The following ARHGEF2 variants were observed in gnomAD, a reference collection of about 807,000 sequenced individuals.
ARHGEF2 encodes the protein rho guanine nucleotide exchange factor 2.
ARHGEF2 carries 22 observed loss-of-function variants against 121.0 expected under a neutral mutation model. The observed-to-expected ratio is 0.18, with a 90% confidence interval of 0.13 to 0.26. The LOEUF is 0.26. ARHGEF2 is among the 10% of genes least tolerant of loss of function. The pLI is 1.00. For synonymous variants in ARHGEF2, 487 were observed against 530.0 expected (o/e 0.92, Z 1.11); for missense variants, 907 against 1,336.0 (o/e 0.68, Z 5.01).
chr1:155,978,223 C>T lies in ARHGEF2; in HGVS notation c.63+142G>A, dbSNP rs923065531. ...ACTCGCTCGCAGTCCCCACCCACCC[C>T]GTCCCGCCGCTCGCCGATCCACCGC... is the stretch of plus-strand genomic sequence containing the variant. On this transcript the variant is annotated intron_variant, in intron 1 of 21. Coordinates refer to ENST00000361247, the MANE Select transcript of ARHGEF2 (RefSeq NM_001162383.2). This position sits in a 1 kb window ranked among gnomAD's most constrained non-coding sequence, Gnocchi z 4.1. The T allele has an allele frequency of 1.5e-6, 2 of 1,323,622 alleles. No homozygotes were observed. Among genetic ancestry groups the T allele is most frequent in the Middle Eastern group, 2.9e-4 (1 of 3,420 alleles). The allele number at this position is 1,323,622 out of a possible 1,614,324, so 82.0% of individuals were successfully genotyped here.
intron 1 of ARHGEF2, chr1:155,972,269 A>T (rs1338140622): frequency 2.2e-6 from 1 of 464,934 alleles, no homozygotes; most frequent in Non-Finnish European, 4.4e-6. Context: ...TCTCGAAGTG[A>T]CCCCTGCTCT....
rs760704738 is a variant in ARHGEF2, at chr1:155,978,456, G to A, written c.-29C>T. 3 of 1,455,888 alleles carry A rather than the reference G, an allele frequency of 2.1e-6. No individual in the cohort carries two copies. The highest frequency in any genetic ancestry group is 4.7e-5 in the Admixed American group (2 of 42,350). 90.2% of individuals were successfully genotyped at this position (1,455,888 alleles called of 1,614,324 possible). The stretch of plus-strand genomic sequence containing the variant: ...CGGACGGGGGGACCAGGGAGGACGC[G>A]GCGCGGACCCCGGCGTCCTGTATTG... On this transcript the variant is annotated 5_prime_UTR_variant, in exon 1 of 22. Transcript: ENST00000361247. The surrounding 1 kb of genome is among the most constrained non-coding windows in gnomAD (Gnocchi z 4.1).
At chr1:155,978,646 CCG>C (rs930399631), upstream of ARHGEF2, 72 of 1,199,160 alleles carry the variant, frequency 6.0e-5, no homozygotes, top group Non-Finnish European at 7.5e-5. This position sits in a 1 kb window ranked among gnomAD's most constrained non-coding sequence, Gnocchi z 4.1. Context: ...GGCGGGGTGC[CCG>C]CGCGCAGGAC....
At chr1:155,966,927 T>C (rs1328336195) in intron 2 of ARHGEF2, 40 bp from the exon 3 acceptor site, 1 of 1,590,624 alleles carries the variant, frequency 6.3e-7, no homozygotes, top group South Asian at 1.1e-5. Context: ...GAGGGCCGGG[T>C]GGTACAGGAG....
chr1:155,978,308 C>T lies in ARHGEF2; in HGVS notation c.63+57G>A, dbSNP rs1681695235. On this transcript the variant is annotated intron_variant, in intron 1 of 21. Transcript: ENST00000361247. The surrounding 1 kb of genome is among the most constrained non-coding windows in gnomAD (Gnocchi z 4.1). ...GAGACAGGAGATGCACCGCGGGTGC[C>T]GGGGTTCGGGGAGCACCCGAGGACC... 9 of 1,412,418 alleles carry T rather than the reference C, an allele frequency of 6.4e-6. No individual in the cohort carries two copies. Among genetic ancestry groups the T allele is most frequent in the Middle Eastern group, 1.9e-4 (1 of 5,404 alleles). The allele number at this position is 1,412,418 out of a possible 1,614,324, so 87.5% of individuals were successfully genotyped here.
intron 12 of ARHGEF2, 58 bp downstream of exon 12, chr1:155,958,262 G>A (rs1572098957): frequency 6.8e-7 from 1 of 1,460,864 alleles, no homozygotes; most frequent in East Asian, 2.3e-5. Context: ...GGGCAGGAAA[G>A]CAAGAAGAGA....
upstream of ARHGEF2, chr1:155,978,594 C>T: frequency 7.9e-7 from 1 of 1,264,774 alleles, no homozygotes; most frequent in Non-Finnish European, 1.0e-6. This position sits in a 1 kb window ranked among gnomAD's most constrained non-coding sequence, Gnocchi z 4.1. Flanking sequence ...GAGTCTCCTC[C>T]CCCGCCCAAG....
At chr1:155,964,956 G>A (rs1249635332) in intron 7 of ARHGEF2, 32 bp downstream of exon 7, 6 of 1,592,970 alleles carry the variant, frequency 3.8e-6, no homozygotes, top group Non-Finnish European at 5.1e-6. Flanking sequence ...ACCTGGTGAA[G>A]GAAGAGGAAG....
rs1273487807 is a variant in ARHGEF2, at chr1:155,950,853, C to T, written c.2679G>A (p.Leu893=). ...CCTGTGGGGGGTTGAAACTCAAGTA[C>T]AGGGCATCGCCTGCGGGGAGGCTGC... ...RRRSLPAGDA[L]YLSFNPPQPS... Residue 893 remains leucine (L), a synonymous_variant, in exon 20 of 22, where the codon CTG becomes CTA. Coordinates refer to ENST00000361247, the MANE Select transcript of ARHGEF2 (RefSeq NM_001162383.2). This position sits in a 1 kb window ranked among gnomAD's most constrained non-coding sequence, Gnocchi z 5.2. 4 of 1,536,292 alleles carry T rather than the reference C, an allele frequency of 2.6e-6. No individual in the cohort carries two copies. Among genetic ancestry groups the T allele is most frequent in the Admixed American group, 2.1e-5 (1 of 48,208 alleles).
Position 155,957,781 on chromosome 1 carries a change from G to A in ARHGEF2, c.1647C>T (p.Tyr549=), listed in dbSNP as rs760106144. ...FLISAAPPEM[Y]EVHTASRDDR... The stretch of plus-strand genomic sequence containing the variant: ...CATCCCGGGATGCTGTGTGCACCTC[G>A]TACATCTCAGGTGGGGCTGCGCTGA... Residue 549 remains tyrosine (Y), a synonymous_variant, in exon 13 of 22, where the codon TAC becomes TAT. Transcript: ENST00000361247. The A allele has an allele frequency of 1.1e-5, 17 of 1,614,048 alleles. No homozygotes were observed. In the East Asian group the frequency reaches 1.1e-4, roughly 11 times the overall value.
At position 155,971,113 on chromosome 1, in the gene ARHGEF2, C is replaced by CCT. The variant is rs528851150; in HGVS notation, c.64-1815_64-1814dup. On this transcript the variant is annotated intron_variant, in intron 1 of 21. Transcript: ENST00000361247. ...CTCCTCCTCACGCAGGCCAACTGCT[C>CCT]CTCTACCTAGGCTTATTCAGGAAGC... 178 of 985,796 alleles carry CCT rather than the reference C, an allele frequency of 1.8e-4. 3 individuals carry two copies. In the South Asian group the frequency reaches 5.9e-3, roughly 33 times the overall value. The allele number at this position is 985,796 out of a possible 1,614,324, so 61.1% of individuals were successfully genotyped here.
intron 7 of ARHGEF2, among the ~76,000 whole-genome samples, chr1:155,964,180 A>ATG (rs1349746641): frequency 0.5 from 50,466 of 101,234 alleles, 15,746 homozygotes; most frequent in Non-Finnish European, 0.66. Context: ...ATATATATAT[A>ATG]TATATATATA....
chr1:155,969,697 G>C lies in ARHGEF2; in HGVS notation c.64-397C>G, dbSNP rs2102682839. On this transcript the variant is annotated intron_variant, in intron 1 of 21. Transcript: ENST00000361247. The stretch of plus-strand genomic sequence containing the variant: ...ATGCGCAGAGAGGAGGGGAGAGCAG[G>C]CGAAGCGGAGGGTGCCAGCTCACCA... 3 of 1,011,890 alleles carry C rather than the reference G, an allele frequency of 3.0e-6. No individual in the cohort carries two copies. In the East Asian group the frequency reaches 3.0e-4, roughly 100 times the overall value. 62.7% of individuals were successfully genotyped at this position (1,011,890 alleles called of 1,614,324 possible).
rs768006983 is a variant in ARHGEF2, at chr1:155,951,359, G to T, written c.2260-87C>A. The T allele has an allele frequency of 6.4e-7, 1 of 1,564,812 alleles. No individual in the cohort carries two copies. The highest frequency in any genetic ancestry group is 2.3e-5 in the East Asian group (1 of 44,300). The stretch of plus-strand genomic sequence containing the variant: ...TTCACCCTCCAAGGCCCAGATCATC[G>T]CTCCTGGAGAGCTTGGATTGGGAGG... On this transcript the variant is annotated intron_variant, in intron 19 of 21. Coordinates refer to ENST00000361247, the MANE Select transcript of ARHGEF2 (RefSeq NM_001162383.2). The surrounding 1 kb of genome is among the most constrained non-coding windows in gnomAD (Gnocchi z 5.1).
intron 1 of ARHGEF2, among the ~76,000 whole-genome samples, chr1:155,977,571 A>C (rs1198063720): frequency 3.9e-5 from 6 of 152,230 alleles, no homozygotes; most frequent in Non-Finnish European, 2.9e-5. Context: ...TGTCAGCCTA[A>C]GGGTTTCAGG....
chr1:155,963,026 G>A lies in ARHGEF2; in HGVS notation c.882C>T (p.Leu294=), dbSNP rs1678281835. ...GGCGTCGGCGTTCTAATAGCTGGCT[G>A]AGGAAGCGTGTATGGATGTCACTGA... ...DELSDIHTRF[L]SQLLERRRQA... The change falls in exon 8 of 22, where the codon CTC becomes CTT. Residue 294 remains leucine (L), a synonymous_variant. Coordinates refer to ENST00000361247, the MANE Select transcript of ARHGEF2 (RefSeq NM_001162383.2). 1 of 1,614,158 alleles carries A rather than the reference G, an allele frequency of 6.2e-7. No homozygotes were observed. Among genetic ancestry groups the A allele is most frequent in the East Asian group, 2.2e-5 (1 of 44,870 alleles).
rs1388607562 is a variant in ARHGEF2, at chr1:155,951,007, C to T, written c.2525G>A (p.Ser842Asn). ...AGSLEARLRE[S>N]EQARALLERE... Reference sequence around the variant, plus strand: ...CTCCAGCAGTGCCCGGGCCTGCTCACTCTCCCGGAGCCGGGCCTCCAGGCT... The same window carrying T: ...CTCCAGCAGTGCCCGGGCCTGCTCATTCTCCCGGAGCCGGGCCTCCAGGCT... The change falls in exon 20 of 22, where the codon AGT (serine) becomes AAT (asparagine). Residue 842 changes from serine to asparagine, a missense_variant. Coordinates refer to ENST00000361247, the MANE Select transcript of ARHGEF2 (RefSeq NM_001162383.2). This position sits in a 1 kb window ranked among gnomAD's most constrained non-coding sequence, Gnocchi z 5.1. The T allele has an allele frequency of 6.2e-7, 1 of 1,607,840 alleles. No homozygotes were observed. Among genetic ancestry groups the T allele is most frequent in the Non-Finnish European group, 8.5e-7 (1 of 1,178,568 alleles).
In ARHGEF2 at chr1:155,947,241, G is replaced by C; in HGVS notation, c.*701C>G. ...ATATAAAACACGTGCAGTTGACTTT[G>C]GTACAAAAAAGAAAACAAAAGAACA... is the stretch of plus-strand genomic sequence containing the variant. On this transcript the variant is annotated 3_prime_UTR_variant, in exon 22 of 22. Transcript: ENST00000361247. 2.5e-6 allele frequency: 1 copy of C among 402,880 alleles called. No homozygotes were observed. The highest frequency in any genetic ancestry group is 5.0e-6 in the Non-Finnish European group (1 of 201,742). The allele number at this position is 402,880 out of a possible 1,614,324, so 25.0% of individuals were successfully genotyped here.
chr1:155,961,699 C>G lies in ARHGEF2; in HGVS notation c.1430G>C (p.Gly477Ala). 1 of 1,613,778 alleles carries G rather than the reference C, an allele frequency of 6.2e-7. No individual in the cohort carries two copies. The highest frequency in any genetic ancestry group is 1.3e-5 in the African/African-American group (1 of 75,056). Residue 477 changes from glycine to alanine, a missense_variant, in exon 11 of 22, where the codon GGC becomes GCC. Physicochemically the swap from Gly to Ala is moderately conservative, Grantham distance 60 (BLOSUM62 0). Around this residue, in one of 2 missense-constraint regions of ARHGEF2, gnomAD observed 475 missense variants for 776.5 expected, o/e 0.61. Coordinates refer to ENST00000361247, the MANE Select transcript of ARHGEF2 (RefSeq NM_001162383.2). This position sits in a 1 kb window ranked among gnomAD's most constrained non-coding sequence, Gnocchi z 4.7. ...ELLRRKLIHDGCLLWKTATGR... is the reference protein window; with the variant it reads ...ELLRRKLIHDACLLWKTATGR... ...CGTCGCTGTCTTCCAGAGCAGGCAG[C>G]CATCGTGGATGAGTTTGCGCCTCAG...
Sources: allele counts gnomAD v4.1 joint callset (sites outside exome capture counted in the v4.1 genomes callset), GRCh38; gene constraint gnomAD v4.1.1; regional missense constraint gnomAD v4.1.1; non-coding constraint Gnocchi (gnomAD v3.1); transcripts MANE v1.5; gene names NCBI Gene and HGNC (gene_info 2026-07-23, HGNC 2026-07-21).